The following SPTBN1 variants were observed in gnomAD, a reference collection of about 807,000 sequenced individuals.
The protein encoded by SPTBN1 is spectrin beta chain, non-erythrocytic 1.
A neutral mutation model predicts 266.4 loss-of-function variants in SPTBN1; 32 were observed. That is an observed-to-expected ratio of 0.12 (90% CI 0.09 to 0.16). The LOEUF is 0.16. Ranked by LOEUF, SPTBN1 falls within the 10% of genes least tolerant of loss-of-function variation. The pLI is 1.00. For synonymous variants in SPTBN1, 1,336 were observed against 1,162.2 expected, an observed-to-expected ratio of 1.15 and a Z score of -3.04; for missense variants, 2,296 against 3,067.1, an observed-to-expected ratio of 0.75 and a Z score of 5.94.
At chr2:54,666,691 G>A (rs1392830268) in intron 34 of SPTBN1, among the ~76,000 whole-genome samples, 2 of 152,216 alleles carry the variant, frequency 1.3e-5, no homozygotes, top group Admixed American at 1.3e-4. Flanking sequence ...ACACTTGGAA[G>A]TAGGCAGAAA....
At chr2:54,470,688 G>T (rs1182959889) in intron 1 of SPTBN1, among the ~76,000 whole-genome samples, 1 of 152,134 alleles carries the variant, frequency 6.6e-6, no homozygotes, top group Admixed American at 6.5e-5. Flanking sequence ...AAATTGTTCT[G>T]TTCACCAGAA....
At chr2:54,491,931 A>G (rs928424392) in intron 1 of SPTBN1, among the ~76,000 whole-genome samples, 2 of 152,082 alleles carry the variant, frequency 1.3e-5, no homozygotes, top group Non-Finnish European at 2.9e-5. Context: ...AAATTTTTCT[A>G]TTAGGCTTTG....
intron 34 of SPTBN1, among the ~76,000 whole-genome samples, chr2:54,666,908 G>A (rs1427869452): frequency 6.6e-6 from 1 of 152,196 alleles, no homozygotes; most frequent in Admixed American, 6.5e-5. Flanking sequence ...TTGGGTCCTG[G>A]AACACTTTAC....
At chr2:54,612,607 C>T (rs1677294609) in intron 4 of SPTBN1, among the ~76,000 whole-genome samples, 1 of 152,202 alleles carries the variant, frequency 6.6e-6, no homozygotes, top group Admixed American at 6.5e-5. Context: ...TAGGCTGCAT[C>T]CCAGCCCGCC....
chr2:54,509,756 T>G (rs1669754018), intron 1 of SPTBN1, among the ~76,000 whole-genome samples: 1 of 152,104 alleles, frequency 6.6e-6, no homozygotes, highest in South Asian at 2.1e-4. Context: ...ACTGTATGGA[T>G]TAAACAACAG....
chr2:54,599,160 T>C lies in SPTBN1; in HGVS notation c.217T>C (p.Cys73Arg). 7 of 1,614,180 alleles carry C rather than the reference T, an allele frequency of 4.3e-6. No individual in the cohort carries two copies. The highest frequency in any genetic ancestry group is 5.9e-6 in the Non-Finnish European group (7 of 1,180,028). Residue 73 changes from cysteine (C) to arginine (R), a missense_variant, in exon 3 of 36, where the codon TGC becomes CGC. Cys to Arg is a radical substitution (Grantham distance 180). Transcript: ENST00000356805. ...CAATTCCCACCTTGCCCGTGTGTCCTGCCGGATCACAGACCTGTACACTGA... is the reference window on the plus strand; with the variant it reads ...CAATTCCCACCTTGCCCGTGTGTCCCGCCGGATCACAGACCTGTACACTGA... ...WVNSHLARVS[C>R]RITDLYTDLR...
intron 2 of SPTBN1, among the ~76,000 whole-genome samples, chr2:54,557,395 G>C (rs993784058): frequency 1.3e-5 from 2 of 150,968 alleles, no homozygotes; most frequent in African/African-American, 4.9e-5. Context: ...GAGGAAAAAG[G>C]GGGGACAGGA....
chr2:54,569,802 A>G (rs1673929189), intron 2 of SPTBN1, among the ~76,000 whole-genome samples: 1 of 152,142 alleles, frequency 6.6e-6, no homozygotes, highest in South Asian at 2.1e-4. Context: ...GGCTCATAGG[A>G]TTATTACAGA....
intron 1 of SPTBN1, among the ~76,000 whole-genome samples, chr2:54,489,162 A>T (rs1668560999): frequency 1.3e-5 from 2 of 150,250 alleles, no homozygotes; most frequent in Admixed American, 6.6e-5. Context: ...AAAAAAAAAA[A>T]AAAAAAAAAA....
intron 18 of SPTBN1, among the ~76,000 whole-genome samples, chr2:54,642,451 C>G (rs1178745474): frequency 6.6e-6 from 1 of 151,828 alleles, no homozygotes; most frequent in Non-Finnish European, 1.5e-5. Flanking sequence ...TGCCTTAGCC[C>G]TACAGTGAGC....
intron 32 of SPTBN1, chr2:54,660,935 T>G: frequency 1.0e-6 from 1 of 985,386 alleles, no homozygotes; most frequent in Non-Finnish European, 1.2e-6. Flanking sequence ...GCCGATGACT[T>G]CAGGGTGTCA....
intron 2 of SPTBN1, among the ~76,000 whole-genome samples, chr2:54,571,995 A>G (rs780380535): frequency 2.6e-5 from 4 of 152,166 alleles, no homozygotes; most frequent in Non-Finnish European, 5.9e-5. Flanking sequence ...ATGAAGTTTA[A>G]TATGACCCTA....
At chr2:54,553,759 G>A (rs1160569869) in intron 2 of SPTBN1, among the ~76,000 whole-genome samples, 1 of 152,092 alleles carries the variant, frequency 6.6e-6, no homozygotes, top group African/African-American at 2.4e-5. Context: ...TGTCATTTTG[G>A]ACATCCTCTC....
rs897928560 is a variant in SPTBN1 at position 54,670,762 on chromosome 2, G to A, written c.*2193G>A. On this transcript the variant is annotated 3_prime_UTR_variant, in exon 36 of 36. Coordinates refer to ENST00000356805, the MANE Select transcript of SPTBN1 (RefSeq NM_003128.3). ...CAACAGTTCGCAGATCTGTAGTTAT[G>A]AAGCCAGGGTTTGGTGGTATTTGCT... is the stretch of plus-strand genomic sequence containing the variant. 8.0e-5 allele frequency: 32 copies of A among 398,450 alleles called. No individual in the cohort carries two copies. The Admixed American group carries it at 1.0e-3, about 13-fold the overall frequency. The allele number at this position is 398,450 out of a possible 1,614,324, so 24.7% of individuals were successfully genotyped here. A position where few individuals can be genotyped will look rare whatever the true frequency, so the allele number is the denominator to read the frequency against.
intron 2 of SPTBN1, among the ~76,000 whole-genome samples, chr2:54,583,691 T>C (rs1017629547): frequency 1.3e-5 from 2 of 152,208 alleles, no homozygotes; most frequent in African/African-American, 4.8e-5. Context: ...ACTACCAATT[T>C]AGTATGCCCC....
In SPTBN1 at chr2:54,654,949, G is replaced by A. The variant is rs536590002; in HGVS notation, c.5823-121G>A. 1.4e-3 allele frequency: 1,837 copies of A among 1,268,798 alleles called. 4 individuals carry two copies. Among genetic ancestry groups the A allele is most frequent in the Middle Eastern group, 8.2e-3 (30 of 3,642 alleles). 78.6% of individuals were successfully genotyped at this position (1,268,798 alleles called of 1,614,324 possible). A position where few individuals can be genotyped will look rare whatever the true frequency, so the allele number is the denominator to read the frequency against. On this transcript the variant is annotated intron_variant, in intron 27 of 35. Coordinates refer to ENST00000356805, the MANE Select transcript of SPTBN1 (RefSeq NM_003128.3). ...TAAGCTCAGGGAGTGATTCAGACCT[G>A]AAAGACCATCAGTTTCTTTCAAGGC...
At chr2:54,478,446 C>A (rs1051878495) in intron 1 of SPTBN1, among the ~76,000 whole-genome samples, 1 of 152,122 alleles carries the variant, frequency 6.6e-6, no homozygotes, top group African/African-American at 2.4e-5. Context: ...TTACAGGGTG[C>A]AGCTCACAGT....
chr2:54,625,561 G>T (rs988967794), intron 11 of SPTBN1, among the ~76,000 whole-genome samples: 4 of 150,206 alleles, frequency 2.7e-5, no homozygotes, highest in African/African-American at 9.8e-5. Context: ...TTGGAGGGGG[G>T]GTGGCGCGGG....
At position 54,590,737 on chromosome 2, in the gene SPTBN1, C is replaced by T. The variant is rs571501991; in HGVS notation, c.149-8355C>T. 3.3e-5 allele frequency among the ~76,000 whole-genome samples: 5 copies of T among 152,232 alleles called. No homozygotes were observed. The East Asian group carries it at 9.6e-4, about 29-fold the overall frequency. On this transcript the variant is annotated intron_variant, in intron 2 of 35. Coordinates refer to ENST00000356805, the MANE Select transcript of SPTBN1 (RefSeq NM_003128.3). Reference sequence around the variant, plus strand: ...GAGAGTTCAGAGCATGAGAGTAAGACCTGTTAGGTTGGAACAAAAGACGGC... The same window carrying T: ...GAGAGTTCAGAGCATGAGAGTAAGATCTGTTAGGTTGGAACAAAAGACGGC...
Sources: allele counts gnomAD v4.1 joint callset (sites outside exome capture counted in the v4.1 genomes callset), GRCh38; gene constraint gnomAD v4.1.1; transcripts MANE v1.5; gene names NCBI Gene and HGNC (gene_info 2026-07-23, HGNC 2026-07-21).